Variants in ERC2 observed in about 807,000 individuals in gnomAD.
ERC2 encodes the protein ELKS/RAB6-interacting/CAST family member 2.
ERC2 carries 42 observed loss-of-function variants against 114.8 expected under a neutral mutation model. The observed-to-expected ratio is 0.37, with a 90% CI of 0.29 to 0.47. ERC2 has a LOEUF of 0.47. ERC2 is among the 20% of genes least tolerant of loss of function. The pLI, the probability that ERC2 is intolerant of heterozygous loss-of-function variation, is 0.99. For synonymous variants in ERC2, 454 were observed against 425.5 expected (o/e 1.07, Z -0.82); for missense variants, 939 against 1,150.7 (o/e 0.82, Z 2.66).
At chr3:55,708,498 C>A (rs2063600335) in intron 15 of ERC2, among the ~76,000 whole-genome samples, 1 of 152,208 alleles carries the variant, frequency 6.6e-6, no homozygotes, top group Admixed American at 6.5e-5. Context: ...TTACTTGTCA[C>A]TGACAAGCTC....
At chr3:55,536,944 C>T (rs1410010316) in intron 17 of ERC2, among the ~76,000 whole-genome samples, 1 of 152,202 alleles carries the variant, frequency 6.6e-6, no homozygotes, top group Admixed American at 6.5e-5. Flanking sequence ...AATTATTGAC[C>T]TGAGACATCA....
intron 14 of ERC2, among the ~76,000 whole-genome samples, chr3:55,778,619 G>T (rs992010569): frequency 1.2e-4 from 18 of 152,246 alleles, no homozygotes; most frequent in Non-Finnish European, 2.5e-4. Flanking sequence ...ATGTCAATTA[G>T]ATAAGCACAT....
chr3:55,751,065 G>C (rs902868540), intron 14 of ERC2, among the ~76,000 whole-genome samples: 4 of 152,164 alleles, frequency 2.6e-5, no homozygotes, highest in African/African-American at 9.7e-5. Context: ...TGACTTCCAC[G>C]GTCTGGAAAA....
At chr3:56,172,007 G>T (rs1458267588) in intron 4 of ERC2, among the ~76,000 whole-genome samples, 9 of 143,084 alleles carry the variant, frequency 6.3e-5, no homozygotes, top group South Asian at 2.2e-4. Flanking sequence ...CAAGTCTTTT[G>T]TCCTTTTGTC....
chr3:56,358,828 T>G (rs1159067822), intron 2 of ERC2, among the ~76,000 whole-genome samples: 1 of 152,248 alleles, frequency 6.6e-6, no homozygotes, highest in African/African-American at 2.4e-5. Context: ...AGACGTTTAA[T>G]ATACTACTTG....
At chr3:55,734,654 T>G in intron 15 of ERC2, 117 bp downstream of exon 15, 1 of 1,295,194 alleles carries the variant, frequency 7.7e-7, no homozygotes. Flanking sequence ...TCCTACCTGG[T>G]TTTAGGAGCT....
In ERC2 at chr3:55,638,887, C is replaced by A. The variant is rs148608084; in HGVS notation, c.*39+44907G>T. Among the ~76,000 whole-genome samples, 370 of 152,298 alleles carry A rather than the reference C, an allele frequency of 2.4e-3. 2 individuals carry two copies. Among genetic ancestry groups the A allele is most frequent in the African/African-American group, 8.6e-3 (356 of 41,556 alleles). ...ATTATTGGTACAGCTACAACCTTCACAGAATGACCTCCATCTTATCTTAGT... is the reference window on the plus strand; with the variant it reads ...ATTATTGGTACAGCTACAACCTTCAAAGAATGACCTCCATCTTATCTTAGT... On this transcript the variant is annotated intron_variant, in intron 17 of 17. Transcript: ENST00000288221.
rs10555030 is a variant in ERC2 at position 55,969,392 on chromosome 3, TACACACACACAC to T, written c.2267+16573_2267+16584del. 6.6e-3 allele frequency among the ~76,000 whole-genome samples: 934 copies of T among 140,680 alleles called. 13 individuals carry two copies. Among genetic ancestry groups the T allele is most frequent in the African/African-American group, 0.023 (862 of 37,228 alleles). The allele number at this position is 140,680 out of a possible 152,430, so 92.3% of individuals were successfully genotyped here. On this transcript the variant is annotated intron_variant, in intron 12 of 17. Coordinates refer to ENST00000288221, the MANE Select transcript of ERC2 (RefSeq NM_015576.3). The stretch of plus-strand genomic sequence containing the variant: ...TCGCTGGTCAGGAATTTTATACACA[TACACACACACAC>T]ACACACACACACACACACACACACA...
chr3:55,823,939 C>A (rs1045681758), intron 14 of ERC2, among the ~76,000 whole-genome samples: 1 of 152,160 alleles, frequency 6.6e-6, no homozygotes, highest in Non-Finnish European at 1.5e-5. Flanking sequence ...CATCCAAGAT[C>A]AAGGTGTCGG....
chr3:55,998,367 T>C (rs1225189089), intron 10 of ERC2, among the ~76,000 whole-genome samples: 1 of 152,134 alleles, frequency 6.6e-6, no homozygotes, highest in African/African-American at 2.4e-5. Flanking sequence ...TTTCCTAAAA[T>C]TAGCAATGTA....
chr3:56,461,842 A>T (rs1440137293), intron 1 of ERC2, among the ~76,000 whole-genome samples: 1 of 152,252 alleles, frequency 6.6e-6, no homozygotes, highest in Non-Finnish European at 1.5e-5. Context: ...TTTAGGAAAC[A>T]AAGTTTTAAC....
intron 3 of ERC2, among the ~76,000 whole-genome samples, chr3:56,277,068 A>C (rs11707881): frequency 0.32 from 49,232 of 152,062 alleles, 9,361 homozygotes; most frequent in Middle Eastern, 0.44. Context: ...GAGAGTCTCT[A>C]TCATCTCAGT....
intron 14 of ERC2, among the ~76,000 whole-genome samples, chr3:55,800,609 G>A (rs191034061): frequency 2.0e-5 from 3 of 151,822 alleles, no homozygotes; most frequent in East Asian, 3.9e-4. Flanking sequence ...CACCTCCCTC[G>A]TGTTGGAAGC....
chr3:55,713,118 C>G (rs1281765331), intron 15 of ERC2, among the ~76,000 whole-genome samples: 26 of 115,036 alleles, frequency 2.3e-4, no homozygotes, highest in Admixed American at 9.6e-4. Context: ...CTCTCTCTCT[C>G]TCTCTCTCTG....
At chr3:55,831,629 C>A (rs945081538) in intron 14 of ERC2, among the ~76,000 whole-genome samples, 1 of 152,120 alleles carries the variant, frequency 6.6e-6, no homozygotes, top group African/African-American at 2.4e-5. Flanking sequence ...GGTCGGGCAG[C>A]CAAGATGGCC....
At position 55,918,066 on chromosome 3, in the gene ERC2, A is replaced by G. The variant is rs140905775; in HGVS notation, c.2404-29517T>C. Among the ~76,000 whole-genome samples the G allele has an allele frequency of 2.2e-3, 334 of 152,266 alleles. 3 individuals are homozygous for G. The highest frequency in any genetic ancestry group is 7.1e-3 in the African/African-American group (294 of 41,566). On this transcript the variant is annotated intron_variant, in intron 13 of 17. Coordinates refer to ENST00000288221, the MANE Select transcript of ERC2 (RefSeq NM_015576.3). ...CCTTTAGCCTGGGCCTCAGAGTCCC[A>G]GTATATCTTCTATATCTAGATATCA... is the stretch of plus-strand genomic sequence containing the variant.
At chr3:56,447,774 G>A (rs552259476) in intron 1 of ERC2, among the ~76,000 whole-genome samples, 48 of 150,918 alleles carry the variant, frequency 3.2e-4, no homozygotes, top group South Asian at 6.3e-4. Context: ...ACAGAGTCTC[G>A]CTCTGCCACC....
chr3:56,049,817 T>C (rs2075670520), intron 7 of ERC2, among the ~76,000 whole-genome samples: 2 of 106,696 alleles, frequency 1.9e-5, no homozygotes, highest in Non-Finnish European at 4.1e-5. Flanking sequence ...TCCCATCATA[T>C]ATGTGTGTGT....
chr3:56,237,528 C>T (rs1576008502), intron 3 of ERC2, among the ~76,000 whole-genome samples: 1 of 152,136 alleles, frequency 6.6e-6, no homozygotes, highest in Admixed American at 6.5e-5. Context: ...CTTGGGAATG[C>T]CGTCCACATC....
Sources: gnomAD v4.1 joint callset for allele counts (sites outside exome capture counted in the v4.1 genomes callset) on GRCh38, gnomAD v4.1.1 for gene constraint, MANE v1.5 for transcripts, NCBI Gene and HGNC (gene_info 2026-07-23, HGNC 2026-07-21) for gene names.